The following USP31 variants were observed in gnomAD, a reference collection of about 807,000 sequenced individuals.
The protein encoded by USP31 is ubiquitin carboxyl-terminal hydrolase 31.
In USP31, 44 loss-of-function variants were observed where a neutral mutation model predicts 119.4. The observed-to-expected ratio is 0.37, with a 90% CI of 0.29 to 0.47. The LOEUF is 0.47. USP31 is among the 20% of genes least tolerant of loss of function. The pLI is 0.99. For missense variants in USP31, 1,643 were observed against 1,730.2 expected (o/e 0.95, Z 0.89); for synonymous variants, 749 against 705.6 (o/e 1.06, Z -0.97).
chr16:23,119,659 A>T (rs1902604822), intron 1 of USP31, among the ~76,000 whole-genome samples: 1 of 152,198 alleles, frequency 6.6e-6, no homozygotes, highest in African/African-American at 2.4e-5. Context: ...GTTTTGTTGC[A>T]ATTTGTATTT....
chr16:23,087,263 A>G, intron 8 of USP31, 77 bp from the exon 9 acceptor site: 1 of 1,290,580 alleles, frequency 7.7e-7, no homozygotes, highest in Non-Finnish European at 1.1e-6. Context: ...TTTCCAAAAC[A>G]GATTAGAGTT....
rs1900171643 is a variant in USP31, at chr16:23,068,255, T to C, written c.3850A>G (p.Asn1284Asp). The change falls in exon 16 of 16, where the codon AAT becomes GAT. Residue 1284 changes from asparagine (N) to aspartate (D), a missense_variant. This residue lies in a region of USP31 where 699 missense variants were observed against 650.9 expected (regional missense o/e 1.07). Transcript: ENST00000219689. The stretch of plus-strand genomic sequence containing the variant: ...TGCTCTTTTCCCGTTGTATTTGCAT[T>C]TGGCTGCTGGGAAGCTGGAGGCTGG... Reference protein sequence around the residue: ...GHQPPASQQPNANTTGKEQLV... With the variant: ...GHQPPASQQPDANTTGKEQLV... 6.2e-7 allele frequency: 1 copy of C among 1,614,124 alleles called. No individual in the cohort carries two copies. The highest frequency in any genetic ancestry group is 2.2e-5 in the East Asian group (1 of 44,876).
Position 23,063,963 on chromosome 16 carries a change from T to C in USP31, c.*4083A>G, listed in dbSNP as rs933127966. 1.3e-5 allele frequency: 2 copies of C among 152,484 alleles called. No homozygotes were observed. The highest frequency in any genetic ancestry group is 2.9e-5 in the Non-Finnish European group (2 of 68,028). The allele number at this position is 152,484 out of a possible 1,614,324, so 9.4% of individuals were successfully genotyped here. A position where few individuals can be genotyped will look rare whatever the true frequency, so the allele number is the denominator to read the frequency against. ...CCACTGGATTTCTCCCCAAACCATG[T>C]AGTAGAGTTTAACAATAATGTACCC... On this transcript the variant is annotated 3_prime_UTR_variant, in exon 16 of 16. Coordinates refer to ENST00000219689, the MANE Select transcript of USP31 (RefSeq NM_020718.4).
At chr16:23,099,294 G>T (rs897045762) in intron 6 of USP31, among the ~76,000 whole-genome samples, 1 of 152,168 alleles carries the variant, frequency 6.6e-6, no homozygotes, top group Non-Finnish European at 1.5e-5. Context: ...AATTAGAATG[G>T]CAATCATTAA....
At chr16:23,085,462 C>T (rs1198437409) in intron 10 of USP31, 123 bp downstream of exon 10, 1 of 878,608 alleles carries the variant, frequency 1.1e-6, no homozygotes, top group Non-Finnish European at 1.8e-6. Context: ...TAACAACACA[C>T]CTGGATACTT....
intron 15 of USP31, 81 bp downstream of exon 15, chr16:23,071,964 A>C: frequency 6.5e-7 from 1 of 1,532,250 alleles, no homozygotes; most frequent in Non-Finnish European, 8.8e-7. Flanking sequence ...CTTGGGACTT[A>C]GCTCCTAGGA....
chr16:23,134,731 A>G (rs911368715), intron 1 of USP31, among the ~76,000 whole-genome samples: 1 of 151,866 alleles, frequency 6.6e-6, no homozygotes, highest in African/African-American at 2.4e-5. Context: ...CAAGAATACC[A>G]TTTTCAGCTA....
At chr16:23,088,035 C>T (rs920790459) in intron 7 of USP31, among the ~76,000 whole-genome samples, 200 bp from the exon 8 acceptor site, 6 of 152,108 alleles carry the variant, frequency 3.9e-5, no homozygotes, top group Non-Finnish European at 7.4e-5. Context: ...AATTTAATAG[C>T]CAATACACCA....
intron 5 of USP31, among the ~76,000 whole-genome samples, chr16:23,102,882 AATT>A (rs1372122200): frequency 3.9e-5 from 6 of 152,258 alleles, no homozygotes; most frequent in African/African-American, 1.2e-4. Flanking sequence ...TTGGAAGTAC[AATT>A]ATTATGTATC....
Position 23,061,746 on chromosome 16 carries a change from TA to T in USP31, c.*6299del, listed in dbSNP as rs1299710880. The T allele has an allele frequency of 6.6e-6, 1 of 152,424 alleles. No individual in the cohort carries two copies. Among genetic ancestry groups the T allele is most frequent in the Non-Finnish European group, 1.5e-5 (1 of 68,012 alleles). 9.4% of individuals were successfully genotyped at this position (152,424 alleles called of 1,614,324 possible). The stretch of plus-strand genomic sequence containing the variant: ...GAAATCACTATCCACGGTGCATGAG[TA>T]ATACCAAAGCACTTTGTGTACAGTG... On this transcript the variant is annotated 3_prime_UTR_variant, in exon 16 of 16. Coordinates refer to ENST00000219689, the MANE Select transcript of USP31 (RefSeq NM_020718.4).
At chr16:23,107,342 C>T (rs1007571743) in intron 2 of USP31, among the ~76,000 whole-genome samples, 4 of 152,132 alleles carry the variant, frequency 2.6e-5, no homozygotes, top group Non-Finnish European at 5.9e-5. Context: ...TTGAGGATGT[C>T]TCAATTTGGT....
intron 1 of USP31, among the ~76,000 whole-genome samples, chr16:23,120,940 C>T (rs1902646425): frequency 6.6e-6 from 1 of 152,074 alleles, no homozygotes; most frequent in African/African-American, 2.4e-5. Flanking sequence ...TATATACACA[C>T]ACAAGAGGCA....
At chr16:23,129,886 C>T in intron 1 of USP31, among the ~76,000 whole-genome samples, 1 of 152,110 alleles carries the variant, frequency 6.6e-6, no homozygotes, top group Non-Finnish European at 1.5e-5. Flanking sequence ...AAGGAGAAAA[C>T]AGAAAAAGCA....
At chr16:23,117,296 C>G (rs1314115637) in intron 1 of USP31, among the ~76,000 whole-genome samples, 2 of 152,208 alleles carry the variant, frequency 1.3e-5, no homozygotes, top group African/African-American at 4.8e-5. Context: ...CAAAGAATAT[C>G]TGCACTGCTA....
At chr16:23,099,294 G>A (rs897045762) in intron 6 of USP31, among the ~76,000 whole-genome samples, 2 of 152,286 alleles carry the variant, frequency 1.3e-5, no homozygotes, top group Admixed American at 1.3e-4. Context: ...AATTAGAATG[G>A]CAATCATTAA....
chr16:23,120,536 G>A (rs1381851422), intron 1 of USP31, among the ~76,000 whole-genome samples: 1 of 152,184 alleles, frequency 6.6e-6, no homozygotes, highest in African/African-American at 2.4e-5. Context: ...CAGCATCAAA[G>A]AAAAATTAGA....
intron 1 of USP31, among the ~76,000 whole-genome samples, chr16:23,141,628 C>G (rs772581922): frequency 2.0e-5 from 3 of 152,164 alleles, no homozygotes; most frequent in Non-Finnish European, 2.9e-5. Flanking sequence ...CTGTCTACCA[C>G]GGCCTCCCAA....
intron 1 of USP31, among the ~76,000 whole-genome samples, chr16:23,111,021 G>C (rs1161693425): frequency 6.6e-6 from 1 of 152,120 alleles, no homozygotes; most frequent in African/African-American, 2.4e-5. Flanking sequence ...CTAGTGACTT[G>C]GGAGGCTGAG....
chr16:23,070,669 G>A (rs530423122), intron 15 of USP31, among the ~76,000 whole-genome samples: 4 of 151,452 alleles, frequency 2.6e-5, no homozygotes, highest in Admixed American at 6.6e-5. Context: ...AGCCGAGATC[G>A]CGCCACTACA....
Sources: allele counts gnomAD v4.1 joint callset (sites outside exome capture counted in the v4.1 genomes callset), GRCh38; gene constraint gnomAD v4.1.1; regional missense constraint gnomAD v4.1.1; transcripts MANE v1.5; gene names NCBI Gene and HGNC (gene_info 2026-07-23, HGNC 2026-07-21).